Variants in MACF1 observed in about 807,000 individuals in gnomAD.
The protein encoded by MACF1 is microtubule-actin cross-linking factor 1.
MACF1 carries 193 observed loss-of-function variants against 854.8 expected under a neutral mutation model. That is an observed-to-expected ratio of 0.23 (90% CI 0.20 to 0.25). The LOEUF (loss-of-function observed/expected upper bound fraction) is 0.25, where lower values mean the gene tolerates loss of function less well. Ranked by LOEUF, MACF1 falls within the 10% of genes least tolerant of loss-of-function variation. MACF1 has a pLI of 1.00. For synonymous variants in MACF1, 3,185 were observed against 3,226.7 expected (o/e 0.99, Z 0.44); for missense variants, 7,722 against 8,929.1 (o/e 0.86, Z 5.45).
At position 39,477,080 on chromosome 1, in the gene MACF1, T is replaced by C. The variant is rs911278631; in HGVS notation, c.21959-2718T>C. Among the ~76,000 whole-genome samples, 8 of 13,820 alleles carry C rather than the reference T, an allele frequency of 5.8e-4. No individual in the cohort carries two copies. In the East Asian group the frequency reaches 0.018, roughly 31 times the overall value. 9.1% of individuals were successfully genotyped at this position (13,820 alleles called of 152,430 possible). A position where few individuals can be genotyped will look rare whatever the true frequency, so the allele number is the denominator to read the frequency against. ...ATATATATATATATATATATATATA[T>C]ATATATATATACACACACACACATA... On this transcript the variant is annotated intron_variant, in intron 97 of 100. Coordinates refer to ENST00000564288, the MANE Select transcript of MACF1 (RefSeq NM_001394062.1).
intron 2 of MACF1, among the ~76,000 whole-genome samples, chr1:39,249,531 T>C (rs1210641471): frequency 6.6e-6 from 1 of 152,190 alleles, no homozygotes; most frequent in East Asian, 1.9e-4. Flanking sequence ...TATTCTGAAA[T>C]TCGCTATTAG....
chr1:39,184,947 C>T (rs1242424474), intron 2 of MACF1, among the ~76,000 whole-genome samples: 1 of 152,112 alleles, frequency 6.6e-6, no homozygotes, highest in African/African-American at 2.4e-5. Context: ...GACTTTTAGG[C>T]TGCATAGGAC....
At chr1:39,319,291 G>A (rs957418423) in intron 30 of MACF1, among the ~76,000 whole-genome samples, 2 of 152,106 alleles carry the variant, frequency 1.3e-5, no homozygotes, top group Non-Finnish European at 2.9e-5. Context: ...AGCAGCATCC[G>A]TATCACCTGG....
intron 58 of MACF1, among the ~76,000 whole-genome samples, chr1:39,420,791 A>C (rs1435189209): frequency 1.3e-5 from 2 of 152,190 alleles, no homozygotes; most frequent in Non-Finnish European, 2.9e-5. Context: ...TCATGGAAGA[A>C]AAAGGAAGGG....
chr1:39,168,130 G>C (rs1203072887), intron 2 of MACF1, among the ~76,000 whole-genome samples: 1 of 152,178 alleles, frequency 6.6e-6, no homozygotes, highest in Non-Finnish European at 1.5e-5. Context: ...AGCCCGTTTA[G>C]CTCTGGACAG....
chr1:39,435,860 C>CACAG, intron 70 of MACF1, 99 bp downstream of exon 70: 1 of 1,057,602 alleles, frequency 9.5e-7, no homozygotes, highest in Non-Finnish European at 1.4e-6. Context: ...ATGTCCAGAG[C>CACAG]AGCATGTTAA....
At chr1:39,300,436 T>C (rs918135298) in intron 22 of MACF1, 74 bp downstream of exon 22, 2 of 1,426,110 alleles carry the variant, frequency 1.4e-6, no homozygotes, top group East Asian at 2.5e-5. Flanking sequence ...GTTAGGGTTA[T>C]GATGATAAAA....
At chr1:39,438,111 G>A (rs1426116672) in intron 71 of MACF1, 103 bp downstream of exon 71, 8 of 1,064,680 alleles carry the variant, frequency 7.5e-6, no homozygotes, top group Non-Finnish European at 1.1e-5. Flanking sequence ...TGAATGTAAA[G>A]GCAGTCCCCA....
intron 1 of MACF1, among the ~76,000 whole-genome samples, chr1:39,211,726 C>T (rs990846619): frequency 1.3e-5 from 2 of 151,954 alleles, no homozygotes; most frequent in Non-Finnish European, 1.5e-5. Flanking sequence ...ACTAAAAATA[C>T]AAAAATTAGC....
At chr1:39,457,763 G>C (rs1181737041) in intron 89 of MACF1, 1 of 152,500 alleles carries the variant, frequency 6.6e-6, no homozygotes, top group Non-Finnish European at 1.5e-5. Context: ...CCTCTTCCAG[G>C]ACTGCCTTCC....
intron 6 of MACF1, among the ~76,000 whole-genome samples, chr1:39,280,438 T>C (rs539752457): frequency 2.0e-4 from 30 of 152,252 alleles, no homozygotes; most frequent in African/African-American, 7.0e-4. Flanking sequence ...CTCTCCCACA[T>C]AGGGTTTGCT....
At chr1:39,398,158 TA>T (rs1221597400) in intron 58 of MACF1, among the ~76,000 whole-genome samples, 2 of 147,246 alleles carry the variant, frequency 1.4e-5, no homozygotes, top group African/African-American at 5.1e-5. Context: ...TTTTTTTTTT[TA>T]AACAGTTTCA....
chr1:39,183,627 G>A (rs1161562520), intron 2 of MACF1, among the ~76,000 whole-genome samples: 1 of 152,188 alleles, frequency 6.6e-6, no homozygotes, highest in Admixed American at 6.5e-5. Flanking sequence ...GCACTCTGAA[G>A]TTGAAGCATT....
At chr1:39,311,088 G>C in intron 26 of MACF1, 88 bp downstream of exon 26, 1 of 1,414,988 alleles carries the variant, frequency 7.1e-7, no homozygotes, top group Admixed American at 2.1e-5. Flanking sequence ...CCTAAGAAAT[G>C]AGGCAATAGA....
intron 1 of MACF1, among the ~76,000 whole-genome samples, chr1:39,206,215 A>G (rs770587687): frequency 1.5e-4 from 23 of 152,238 alleles, no homozygotes; most frequent in African/African-American, 5.3e-4. Context: ...GTGTGCATCT[A>G]TAGCAGCGGA....
intron 97 of MACF1, among the ~76,000 whole-genome samples, chr1:39,473,387 TGTA>T (rs1206438790): frequency 2.6e-5 from 4 of 152,242 alleles, no homozygotes; most frequent in African/African-American, 4.8e-5. Context: ...TCTTCCTTCT[TGTA>T]GTATCTTTCT....
chr1:39,410,997 T>A, intron 58 of MACF1: 2 of 1,614,006 alleles, frequency 1.2e-6, no homozygotes, highest in Non-Finnish European at 1.7e-6. Context: ...CAACAAGTGG[T>A]AACACAGATG....
At chr1:39,218,076 G>A (rs966086743) in intron 1 of MACF1, among the ~76,000 whole-genome samples, 3 of 151,312 alleles carry the variant, frequency 2.0e-5, no homozygotes, top group African/African-American at 4.9e-5. Context: ...CTAGCTACTC[G>A]GGAGGCTGAG....
chr1:39,421,797 G>A (rs538532134), intron 58 of MACF1, among the ~76,000 whole-genome samples: 19 of 152,206 alleles, frequency 1.2e-4, no homozygotes, highest in South Asian at 8.3e-4. Context: ...GCAACAGGCC[G>A]GGCGCGGTGG....
Sources: allele counts gnomAD v4.1 joint callset (sites outside exome capture counted in the v4.1 genomes callset), GRCh38; gene constraint gnomAD v4.1.1; transcripts MANE v1.5; gene names NCBI Gene and HGNC (gene_info 2026-07-23, HGNC 2026-07-21).